Variants in FHIT observed in about 807,000 individuals in gnomAD.
The protein encoded by FHIT is bis(5'-adenosyl)-triphosphatase.
FHIT carries 19 observed loss-of-function variants against 17.9 expected under a neutral mutation model. That is an observed-to-expected ratio of 1.06 (90% CI 0.74 to 1.56). FHIT has a LOEUF of 1.56. FHIT is among the 40% of genes most tolerant of loss of function. FHIT has a pLI of 0.00. For missense variants in FHIT, 248 were observed against 189.2 expected (o/e 1.31, Z -1.82); for synonymous variants, 81 against 69.7 (o/e 1.16, Z -0.81).
chr3:60,531,959 T>C (rs2035802946), intron 5 of FHIT, among the ~76,000 whole-genome samples: 1 of 152,222 alleles, frequency 6.6e-6, no homozygotes, highest in African/African-American at 2.4e-5. Context: ...TTCTAATGTG[T>C]CAGCAGAAAT....
chr3:60,442,154 C>T (rs1367769468), intron 5 of FHIT, among the ~76,000 whole-genome samples: 1 of 151,856 alleles, frequency 6.6e-6, no homozygotes, highest in Non-Finnish European at 1.5e-5. Context: ...GCCACCATGC[C>T]CAGCCCTGGT....
intron 3 of FHIT, among the ~76,000 whole-genome samples, chr3:60,846,773 A>T (rs147025597): frequency 2.4e-3 from 371 of 152,264 alleles, no homozygotes; most frequent in African/African-American, 8.5e-3. Context: ...TAACTTGGAC[A>T]TATGCATTAA....
At chr3:60,927,494 G>A (rs1297870490) in intron 3 of FHIT, among the ~76,000 whole-genome samples, 4 of 152,130 alleles carry the variant, frequency 2.6e-5, no homozygotes, top group Admixed American at 2.6e-4. Flanking sequence ...AGTCTGGGAA[G>A]TGAGGAGCAC....
chr3:60,568,106 A>T (rs796109613), intron 4 of FHIT, among the ~76,000 whole-genome samples: 1 of 152,146 alleles, frequency 6.6e-6, no homozygotes, highest in East Asian at 1.9e-4. Context: ...CCCATTACTG[A>T]GTATATACCC....
chr3:60,861,313 C>T (rs543480843), intron 3 of FHIT, among the ~76,000 whole-genome samples: 7 of 108,376 alleles, frequency 6.5e-5, no homozygotes, highest in South Asian at 6.0e-4. Context: ...TGGGTTTTGA[C>T]GAAGCTCATT....
intron 3 of FHIT, among the ~76,000 whole-genome samples, chr3:60,862,726 C>A (rs1420401523): frequency 6.6e-6 from 1 of 151,928 alleles, no homozygotes; most frequent in African/African-American, 2.4e-5. Context: ...GTGGTGAGTG[C>A]CTGTAATCCC....
chr3:60,829,282 C>T (rs1420167013), intron 3 of FHIT, among the ~76,000 whole-genome samples: 1 of 152,194 alleles, frequency 6.6e-6, no homozygotes, highest in East Asian at 1.9e-4. Flanking sequence ...TAAATTACCC[C>T]TCTGGGTTTG....
At chr3:61,035,953 G>A (rs550399624) in intron 3 of FHIT, among the ~76,000 whole-genome samples, 6 of 152,270 alleles carry the variant, frequency 3.9e-5, no homozygotes, top group South Asian at 4.1e-4. Flanking sequence ...CAAATGAAAT[G>A]GTTAGAGACA....
chr3:59,892,315 G>A (rs1415765347), intron 8 of FHIT, among the ~76,000 whole-genome samples: 1 of 152,214 alleles, frequency 6.6e-6, no homozygotes, highest in East Asian at 1.9e-4. Context: ...TGCCACAATG[G>A]CTTGTCTCCT....
chr3:59,981,104 T>C (rs757594834), intron 7 of FHIT, among the ~76,000 whole-genome samples: 12 of 152,002 alleles, frequency 7.9e-5, no homozygotes, highest in Non-Finnish European at 1.3e-4. Flanking sequence ...AAACACTGGG[T>C]CCATGGAGAA....
intron 2 of FHIT, among the ~76,000 whole-genome samples, chr3:61,147,825 TC>T (rs896215437): frequency 1.6e-4 from 25 of 152,102 alleles, no homozygotes; most frequent in African/African-American, 6.0e-4. Flanking sequence ...AGTTCCTTTT[TC>T]ACCCTTGGAA....
intron 5 of FHIT, among the ~76,000 whole-genome samples, chr3:60,455,193 G>A (rs930754070): frequency 3.3e-5 from 5 of 152,136 alleles, no homozygotes; most frequent in African/African-American, 1.2e-4. Flanking sequence ...ACAGTCAGAT[G>A]TTAAAGTAGA....
At chr3:59,867,116 C>G in intron 8 of FHIT, among the ~76,000 whole-genome samples, 1 of 101,138 alleles carries the variant, frequency 9.9e-6, no homozygotes, top group Non-Finnish European at 2.1e-5. Context: ...ACAAATTATA[C>G]CATCAACGTG....
intron 3 of FHIT, among the ~76,000 whole-genome samples, chr3:60,887,697 C>A (rs558220393): frequency 2.6e-5 from 4 of 152,144 alleles, no homozygotes; most frequent in African/African-American, 9.6e-5. Flanking sequence ...TTTAAGCTCC[C>A]TTTTACCAAA....
intron 3 of FHIT, among the ~76,000 whole-genome samples, chr3:60,974,639 C>T (rs190145275): frequency 1.3e-5 from 2 of 152,204 alleles, no homozygotes; most frequent in East Asian, 1.9e-4. Flanking sequence ...TATAGCTATA[C>T]CAAAAAAGTG....
At chr3:60,747,711 T>C (rs2108024022) in intron 4 of FHIT, among the ~76,000 whole-genome samples, 1 of 152,342 alleles carries the variant, frequency 6.6e-6, no homozygotes, top group South Asian at 2.1e-4. Context: ...TCAATGTGTG[T>C]TCATGACACA....
intron 3 of FHIT, among the ~76,000 whole-genome samples, chr3:61,032,577 C>G (rs2033059172): frequency 6.6e-6 from 1 of 152,090 alleles, no homozygotes; most frequent in Non-Finnish European, 1.5e-5. Flanking sequence ...AAACACATTC[C>G]CAGAGGCCAG....
At chr3:59,993,588 A>G (rs1465466120) in intron 7 of FHIT, among the ~76,000 whole-genome samples, 1 of 152,028 alleles carries the variant, frequency 6.6e-6, no homozygotes, top group Non-Finnish European at 1.5e-5. Flanking sequence ...GAAGACTTCC[A>G]GATCCTGTTC....
At chr3:60,649,621 T>A (rs142791026) in intron 4 of FHIT, among the ~76,000 whole-genome samples, 66 of 152,260 alleles carry the variant, frequency 4.3e-4, no homozygotes, top group Admixed American at 1.2e-3. Context: ...TTACTGGATG[T>A]GTCAATTGTG....
Sources: gnomAD v4.1 joint callset for allele counts (sites outside exome capture counted in the v4.1 genomes callset) on GRCh38, gnomAD v4.1.1 for gene constraint, MANE v1.5 for transcripts, NCBI Gene and HGNC (gene_info 2026-07-23, HGNC 2026-07-21) for gene names.